Variants in CNBD1 observed in about 807,000 individuals in gnomAD.
The protein encoded by CNBD1 is cyclic nucleotide-binding domain-containing protein 1.
Under a neutral mutation model 54.4 loss-of-function variants are expected in CNBD1, and 71 were observed. The observed-to-expected ratio is 1.30, with a 90% CI of 1.08 to 1.59. The LOEUF (loss-of-function observed/expected upper bound fraction) is 1.59, where lower values mean the gene tolerates loss of function less well. Among genes scored for constraint, CNBD1 ranks in the 40% most tolerant of loss-of-function variants. The pLI, the probability that CNBD1 is intolerant of heterozygous loss-of-function variation, is 0.00. For missense variants in CNBD1, 659 were observed against 518.0 expected (o/e 1.27, Z -2.64); for synonymous variants, 182 against 170.7 (o/e 1.07, Z -0.51).
At chr8:87,117,083 T>C (rs942235092) in intron 4 of CNBD1, among the ~76,000 whole-genome samples, 3 of 152,232 alleles carry the variant, frequency 2.0e-5, no homozygotes, top group African/African-American at 7.2e-5. Flanking sequence ...AACCATCTTA[T>C]ATCTACTTGA....
chr8:87,307,737 C>CAAAA (rs5893017), intron 8 of CNBD1, among the ~76,000 whole-genome samples: 2,509 of 135,734 alleles, frequency 0.018, 57 homozygotes, highest in Middle Eastern at 0.071. Flanking sequence ...AACTCCGTCT[C>CAAAA]AAAAAAAAAA....
chr8:86,903,762 A>C (rs1808974202), intron 2 of CNBD1, among the ~76,000 whole-genome samples: 1 of 152,142 alleles, frequency 6.6e-6, no homozygotes, highest in Non-Finnish European at 1.5e-5. Context: ...AATACAAAAC[A>C]GTGTAAAAGA....
intron 4 of CNBD1, among the ~76,000 whole-genome samples, chr8:87,089,185 A>G (rs1220762346): frequency 6.6e-6 from 1 of 152,168 alleles, no homozygotes; most frequent in African/African-American, 2.4e-5. Flanking sequence ...CAATGGAATT[A>G]GAGATTGAAA....
At chr8:87,303,527 A>G (rs939706413) in intron 8 of CNBD1, among the ~76,000 whole-genome samples, 1 of 152,200 alleles carries the variant, frequency 6.6e-6, no homozygotes, top group Non-Finnish European at 1.5e-5. Context: ...CTAAAACCAT[A>G]AAAACCCTGG....
chr8:87,355,467 C>T (rs1028946973), intron 10 of CNBD1, among the ~76,000 whole-genome samples: 4 of 152,072 alleles, frequency 2.6e-5, no homozygotes, highest in African/African-American at 7.2e-5. Flanking sequence ...AATTTTAGAG[C>T]TCTAGTAATA....
intron 2 of CNBD1, among the ~76,000 whole-genome samples, chr8:86,898,062 A>G (rs975323746): frequency 6.6e-6 from 1 of 152,196 alleles, no homozygotes; most frequent in Non-Finnish European, 1.5e-5. Context: ...TATTTGTTCA[A>G]ATATGGGCAG....
chr8:87,383,461 T>C (rs528895832), downstream of CNBD1, among the ~76,000 whole-genome samples: 1 of 152,158 alleles, frequency 6.6e-6, no homozygotes, highest in African/African-American at 2.4e-5. Flanking sequence ...TAAGGCTTTA[T>C]GCAGTTTAAT....
intron 3 of CNBD1, among the ~76,000 whole-genome samples, chr8:86,919,658 C>A (rs1809240790): frequency 6.6e-6 from 1 of 152,108 alleles, no homozygotes; most frequent in African/African-American, 2.4e-5. Context: ...ACTGAGACAG[C>A]CTCAGGCTAG....
At chr8:87,308,128 G>GA (rs1459041082) in intron 8 of CNBD1, among the ~76,000 whole-genome samples, 1 of 152,152 alleles carries the variant, frequency 6.6e-6, no homozygotes, top group African/African-American at 2.4e-5. Context: ...ATTGTTCTAG[G>GA]AAAAATCTGT....
intron 4 of CNBD1, among the ~76,000 whole-genome samples, chr8:86,961,049 A>T (rs1365045318): frequency 6.6e-6 from 1 of 152,238 alleles, no homozygotes; most frequent in African/African-American, 2.4e-5. Flanking sequence ...CATTTTGAAG[A>T]CATTTCTACT....
At chr8:87,146,443 A>G (rs1812489933) in intron 4 of CNBD1, among the ~76,000 whole-genome samples, 1 of 152,172 alleles carries the variant, frequency 6.6e-6, no homozygotes, top group Admixed American at 6.5e-5. Flanking sequence ...CAAAGTCTTT[A>G]GTCCTAAGTG....
intron 4 of CNBD1, among the ~76,000 whole-genome samples, chr8:87,203,399 C>T (rs1813904983): frequency 1.3e-5 from 2 of 152,176 alleles, no homozygotes; most frequent in Admixed American, 1.3e-4. Flanking sequence ...CACATTCTTT[C>T]AGATTTAAAT....
chr8:87,021,103 A>G (rs1809479225), intron 4 of CNBD1, among the ~76,000 whole-genome samples: 1 of 152,206 alleles, frequency 6.6e-6, no homozygotes, highest in Non-Finnish European at 1.5e-5. Context: ...GTATTTGATT[A>G]ATGTCTCATG....
intron 3 of CNBD1, among the ~76,000 whole-genome samples, chr8:86,920,893 C>T (rs565896270): frequency 2.0e-5 from 3 of 151,630 alleles, no homozygotes; most frequent in South Asian, 4.2e-4. Context: ...TTTTTTTTCC[C>T]AAACACATTT....
intron 10 of CNBD1, among the ~76,000 whole-genome samples, chr8:87,377,275 T>C (rs1810968005): frequency 6.6e-6 from 1 of 151,450 alleles, no homozygotes; most frequent in Non-Finnish European, 1.5e-5. Flanking sequence ...TAGCATTAGA[T>C]ATATCTCCCA....
chr8:87,419,833 G>C (rs2130991873), intron 2 of CNBD1, among the ~76,000 whole-genome samples: 1 of 151,566 alleles, frequency 6.6e-6, no homozygotes, highest in South Asian at 2.1e-4. Flanking sequence ...CCTTCTAAAG[G>C]ACAAGAGAGA....
At chr8:86,931,268 C>T (rs1335230779) in intron 3 of CNBD1, among the ~76,000 whole-genome samples, 1 of 152,162 alleles carries the variant, frequency 6.6e-6, no homozygotes, top group Non-Finnish European at 1.5e-5. Flanking sequence ...AAGTCAATTT[C>T]CTGGCCCTCA....
chr8:86,962,903 C>A (rs1011890673), intron 4 of CNBD1, among the ~76,000 whole-genome samples: 4 of 152,166 alleles, frequency 2.6e-5, no homozygotes, highest in South Asian at 2.1e-4. Context: ...ACATGGAGTG[C>A]TTTGACCCTG....
At chr8:87,387,849 G>A (rs1418020539), downstream of CNBD1, among the ~76,000 whole-genome samples, 1 of 152,082 alleles carries the variant, frequency 6.6e-6, no homozygotes, top group Non-Finnish European at 1.5e-5. Context: ...TGACCACATA[G>A]TTGGAAGTAA....
Sources: gnomAD v4.1 joint callset for allele counts (sites outside exome capture counted in the v4.1 genomes callset) on GRCh38, gnomAD v4.1.1 for gene constraint, MANE v1.5 for transcripts, NCBI Gene and HGNC (gene_info 2026-07-23, HGNC 2026-07-21) for gene names.